Variants in GNL1 observed in about 807,000 individuals in gnomAD.
GNL1 encodes the protein G protein nucleolar 1.
A neutral mutation model predicts 75.2 loss-of-function variants in GNL1; 21 were observed. The observed-to-expected ratio is 0.28, with a 90% confidence interval of 0.20 to 0.40. The LOEUF is 0.40. Among genes scored for constraint, GNL1 ranks in the 10% least tolerant of loss-of-function variants. GNL1 has a pLI of 1.00. For missense variants in GNL1, 579 were observed against 775.0 expected, an observed-to-expected ratio of 0.75 and a Z score of 3.00; for synonymous variants, 287 against 303.4, an observed-to-expected ratio of 0.95 and a Z score of 0.56.
In GNL1 at chr6:30,547,026, A is replaced by G; in HGVS notation, c.1441+86T>C. On this transcript the variant is annotated intron_variant, in intron 10 of 11. Transcript: ENST00000376621. The surrounding 1 kb of genome is among the most constrained non-coding windows in gnomAD (Gnocchi z 5.5). ...AATGGCAGAATCTCTGAGGAGAGGA[A>G]AGGAGACAGGGAAGGGTAAAAGGCG... is the stretch of plus-strand genomic sequence containing the variant. The G allele has an allele frequency of 7.7e-7, 1 of 1,295,106 alleles. No individual in the cohort carries two copies. Among genetic ancestry groups the G allele is most frequent in the Non-Finnish European group, 1.1e-6 (1 of 894,436 alleles). The allele number at this position is 1,295,106 out of a possible 1,614,324, so 80.2% of individuals were successfully genotyped here. A position where few individuals can be genotyped will look rare whatever the true frequency, so the allele number is the denominator to read the frequency against.
Position 30,556,296 on chromosome 6 carries a change from A to C in GNL1, c.-93T>G. On this transcript the variant is annotated 5_prime_UTR_variant, in exon 1 of 12. Transcript: ENST00000376621. The surrounding 1 kb of genome is among the most constrained non-coding windows in gnomAD (Gnocchi z 5.7). ...GCAGCCCCCGCCGCAGGGGCCCGGG[A>C]CCCTAGAGGAGGCGGGGCTAGCAGG... The C allele has an allele frequency of 1.4e-6, 2 of 1,443,276 alleles. No individual in the cohort carries two copies. Among genetic ancestry groups the C allele is most frequent in the Non-Finnish European group, 1.9e-6 (2 of 1,045,834 alleles). 89.4% of individuals were successfully genotyped at this position (1,443,276 alleles called of 1,614,324 possible). A position where few individuals can be genotyped will look rare whatever the true frequency, so the allele number is the denominator to read the frequency against.
In GNL1 at chr6:30,556,262, C is replaced by T. The variant is rs1800180764; in HGVS notation, c.-59G>A. The T allele has an allele frequency of 6.3e-7, 1 of 1,576,112 alleles. No homozygotes were observed. Among genetic ancestry groups the T allele is most frequent in the Non-Finnish European group, 8.6e-7 (1 of 1,168,092 alleles). ...GAGCTCCCGCCGCCTCAACTGACTG[C>T]CCCCCGGGGCAGCCCCCGCCGCAGG... On this transcript the variant is annotated 5_prime_UTR_variant, in exon 1 of 12. Transcript: ENST00000376621. This position sits in a 1 kb window ranked among gnomAD's most constrained non-coding sequence, Gnocchi z 5.7.
chr6:30,552,555 C>T lies in GNL1; in HGVS notation c.1011G>A (p.Leu337=), dbSNP rs749555843. 6.2e-7 allele frequency: 1 copy of T among 1,614,154 alleles called. No individual in the cohort carries two copies. The highest frequency in any genetic ancestry group is 2.2e-5 in the East Asian group (1 of 44,874). Residue 337 remains leucine, a synonymous_variant, in exon 8 of 12, where the codon CTG becomes CTA. Transcript: ENST00000376621. The surrounding 1 kb of genome is among the most constrained non-coding windows in gnomAD (Gnocchi z 4.5). The part of the protein sequence containing the change: ...EEEEEDGPAV[L]VEQQTDSAME... ...TTGCTGAATCAGTCTGCTGCTCCACCAGGACTGCTGGGCCATCCTCCTCTT... is the reference window on the plus strand; with the variant it reads ...TTGCTGAATCAGTCTGCTGCTCCACTAGGACTGCTGGGCCATCCTCCTCTT...
At position 30,546,703 on chromosome 6, in the gene GNL1, T is replaced by G; in HGVS notation, c.1575A>C (p.Glu525Asp). The G allele has an allele frequency of 2.5e-6, 4 of 1,605,938 alleles. No homozygotes were observed. The highest frequency in any genetic ancestry group is 3.4e-6 in the Non-Finnish European group (4 of 1,175,524). ...GAATATCTGGGCTCTGACCTTTCTG[T>G]TCACTGTAGCCTGGGGGATGAAAAC... ...SLCFHPPGYS[E>D]QKGTWESHPE... The change falls in exon 11 of 12, where the codon GAA becomes GAC. Residue 525 changes from glutamate (E) to aspartate (D), a missense_variant. Physicochemically the swap from Glu to Asp is conservative, Grantham distance 45. Coordinates refer to ENST00000376621, the MANE Select transcript of GNL1 (RefSeq NM_005275.5). The surrounding 1 kb of genome is among the most constrained non-coding windows in gnomAD (Gnocchi z 5.1).
Position 30,548,845 on chromosome 6 carries a change from A to G in GNL1, c.1100-1315T>C, listed in dbSNP as rs1414450299. Among the ~76,000 whole-genome samples the G allele has an allele frequency of 6.6e-6, 1 of 152,138 alleles. No individual in the cohort carries two copies. The highest frequency in any genetic ancestry group is 1.5e-5 in the Non-Finnish European group (1 of 68,012). ...TGTCCGCTTTGCAGGAAAACTCCTT[A>G]AAAGACTTACCTACTTTTTTCACCA... On this transcript the variant is annotated intron_variant, in intron 8 of 11. Coordinates refer to ENST00000376621, the MANE Select transcript of GNL1 (RefSeq NM_005275.5). This position sits in a 1 kb window ranked among gnomAD's most constrained non-coding sequence, Gnocchi z 4.2.
At position 30,555,644 on chromosome 6, in the gene GNL1, G is replaced by T. The variant is rs1318455259; in HGVS notation, c.150C>A (p.Thr50=). ...SRERREEQTD[T]SDGESVTHHI... ...GATGGGTCACAGACTCCCCGTCCGA[G>T]GTGTCGGTCTGTTCCTCTCGCCGCT... The change falls in exon 2 of 12, where the codon ACC becomes ACA. Residue 50 remains threonine (T), a synonymous_variant. Coordinates refer to ENST00000376621, the MANE Select transcript of GNL1 (RefSeq NM_005275.5). This position sits in a 1 kb window ranked among gnomAD's most constrained non-coding sequence, Gnocchi z 4.3. 6.2e-7 allele frequency: 1 copy of T among 1,613,954 alleles called. No individual in the cohort carries two copies. Among genetic ancestry groups the T allele is most frequent in the Admixed American group, 1.7e-5 (1 of 60,012 alleles).
At position 30,547,720 on chromosome 6, in the gene GNL1, G is replaced by C; in HGVS notation, c.1100-190C>G. On this transcript the variant is annotated intron_variant, in intron 8 of 11. Coordinates refer to ENST00000376621, the MANE Select transcript of GNL1 (RefSeq NM_005275.5). This position sits in a 1 kb window ranked among gnomAD's most constrained non-coding sequence, Gnocchi z 5.5. ...CACTTACCAGCTTTGTGATGTCAGG[G>C]CAACTAACTTTCTGAGCCTCTGTTT... The C allele has an allele frequency of 1.7e-6, 1 of 579,300 alleles. No homozygotes were observed. Among genetic ancestry groups the C allele is most frequent in the South Asian group, 2.3e-5 (1 of 43,122 alleles). 35.9% of individuals were successfully genotyped at this position (579,300 alleles called of 1,614,324 possible). A position where few individuals can be genotyped will look rare whatever the true frequency, so the allele number is the denominator to read the frequency against.
rs1360234081 is a variant in GNL1 at position 30,552,254 on chromosome 6, A to G, written c.1099+213T>C. On this transcript the variant is annotated intron_variant, in intron 8 of 11. Coordinates refer to ENST00000376621, the MANE Select transcript of GNL1 (RefSeq NM_005275.5). The surrounding 1 kb of genome is among the most constrained non-coding windows in gnomAD (Gnocchi z 4.5). ...AGAGTAGCAAAATCACTTACTCAAG[A>G]CCTCACAGCTGAGAAGAGGTGGAAT... is the stretch of plus-strand genomic sequence containing the variant. The G allele has an allele frequency of 7.8e-6, 4 of 510,842 alleles. No individual in the cohort carries two copies. The highest frequency in any genetic ancestry group is 1.4e-5 in the Non-Finnish European group (4 of 287,610). 31.6% of individuals were successfully genotyped at this position (510,842 alleles called of 1,614,324 possible). A position where few individuals can be genotyped will look rare whatever the true frequency, so the allele number is the denominator to read the frequency against.
At chr6:30,553,618 A>T (rs1054961806) in intron 5 of GNL1, 61 bp from the exon 6 acceptor site, 4 of 1,139,798 alleles carry the variant, frequency 3.5e-6, no homozygotes, top group Non-Finnish European at 5.3e-6. Flanking sequence ...CTCTGCCTCC[A>T]GCTCCCCACT....
In GNL1 at chr6:30,545,822, G is replaced by A. The variant is rs1252821318; in HGVS notation, c.*250C>T. ...ATGGGTAGAGGAAGCAGGTTTCAGA[G>A]ACTGAGAACCTACTAAACTCCTAAG... On this transcript the variant is annotated 3_prime_UTR_variant, in exon 12 of 12. Transcript: ENST00000376621. The A allele has an allele frequency of 2.0e-6, 1 of 510,382 alleles. No individual in the cohort carries two copies. The highest frequency in any genetic ancestry group is 2.7e-5 in the South Asian group (1 of 36,940). 31.6% of individuals were successfully genotyped at this position (510,382 alleles called of 1,614,324 possible). A position where few individuals can be genotyped will look rare whatever the true frequency, so the allele number is the denominator to read the frequency against.
At position 30,552,671 on chromosome 6, in the gene GNL1, G is replaced by T. The variant is rs959558112; in HGVS notation, c.905-10C>A. The T allele has an allele frequency of 6.2e-7, 1 of 1,610,192 alleles. No individual in the cohort carries two copies. The highest frequency in any genetic ancestry group is 1.7e-5 in the Admixed American group (1 of 59,804). ...CAGCTGCTCAAGTCCACTGCTCAAA[G>T]AAGGAGAAGATTAAAGAGGTTCTCC... On this transcript the variant is annotated splice_polypyrimidine_tract_variant and intron_variant, in intron 7 of 11. Coordinates refer to ENST00000376621, the MANE Select transcript of GNL1 (RefSeq NM_005275.5). This position sits in a 1 kb window ranked among gnomAD's most constrained non-coding sequence, Gnocchi z 4.5.
rs1162976897 is a variant in GNL1 at position 30,546,309 on chromosome 6, G to C, written c.1587C>G (p.Thr529=). The C allele has an allele frequency of 6.3e-7, 1 of 1,590,726 alleles. No individual in the cohort carries two copies. Among genetic ancestry groups the C allele is most frequent in the Non-Finnish European group, 8.6e-7 (1 of 1,169,000 alleles). The change falls in exon 12 of 12, where the codon ACC becomes ACG. Residue 529 remains threonine (T), a synonymous_variant. Transcript: ENST00000376621. The surrounding 1 kb of genome is among the most constrained non-coding windows in gnomAD (Gnocchi z 5.1). ...HPPGYSEQKG[T]WESHPETTEL... is the part of the protein sequence containing the mutation. ...CCGTGGTCTCTGGATGGGACTCCCA[G>C]GTGCCTGGGGAACCAAAACAAGAAA...
chr6:30,550,626 A>G (rs1376802782), intron 8 of GNL1, among the ~76,000 whole-genome samples: 3 of 152,082 alleles, frequency 2.0e-5, no homozygotes, highest in East Asian at 1.9e-4. Flanking sequence ...AGGTAAACTT[A>G]TAAGAAACAA....
chr6:30,553,604 A>G, intron 5 of GNL1, 47 bp from the exon 6 acceptor site: 1 of 1,356,962 alleles, frequency 7.4e-7, no homozygotes, highest in South Asian at 1.2e-5. Context: ...GTCAACCCAG[A>G]GTTCTCTGCC....
At chr6:30,554,533 C>T in intron 5 of GNL1, 42 bp downstream of exon 5, 3 of 1,213,750 alleles carry the variant, frequency 2.5e-6, no homozygotes, top group African/African-American at 1.5e-5. Context: ...CCTGAAAAAC[C>T]TTTCTCCCTC....
rs1221185638 is a variant in GNL1, at chr6:30,543,578, G to A, written c.*2494C>T. Reference sequence around the variant, plus strand: ...CTTTTATAGTTTACATACTGCTATAGAGCTATTGTATTATATTATTATTAT... The same window carrying A: ...CTTTTATAGTTTACATACTGCTATAAAGCTATTGTATTATATTATTATTAT... On this transcript the variant is annotated 3_prime_UTR_variant, in exon 12 of 12. Coordinates refer to ENST00000376621, the MANE Select transcript of GNL1 (RefSeq NM_005275.5). 3 of 152,224 alleles carry A rather than the reference G, an allele frequency of 2.0e-5. No homozygotes were observed. Among genetic ancestry groups the A allele is most frequent in the Admixed American group, 6.5e-5 (1 of 15,290 alleles). The allele number at this position is 152,224 out of a possible 1,614,324, so 9.4% of individuals were successfully genotyped here.
chr6:30,556,254 A>G lies in GNL1; in HGVS notation c.-51T>C. 1 of 1,586,778 alleles carries G rather than the reference A, an allele frequency of 6.3e-7. No homozygotes were observed. The highest frequency in any genetic ancestry group is 1.1e-5 in the South Asian group (1 of 89,864). ...CCTCCGCCGAGCTCCCGCCGCCTCA[A>G]CTGACTGCCCCCCGGGGCAGCCCCC... is the stretch of plus-strand genomic sequence containing the variant. On this transcript the variant is annotated 5_prime_UTR_variant, in exon 1 of 12. Transcript: ENST00000376621. The surrounding 1 kb of genome is among the most constrained non-coding windows in gnomAD (Gnocchi z 5.7).
In GNL1 at chr6:30,554,557, CT is replaced by C; in HGVS notation, c.600+17del. The C allele has an allele frequency of 6.6e-7, 1 of 1,506,446 alleles. No homozygotes were observed. The highest frequency in any genetic ancestry group is 9.2e-7 in the Non-Finnish European group (1 of 1,082,832). 93.3% of individuals were successfully genotyped at this position (1,506,446 alleles called of 1,614,324 possible). A position where few individuals can be genotyped will look rare whatever the true frequency, so the allele number is the denominator to read the frequency against. On this transcript the variant is annotated intron_variant, in intron 5 of 11. Transcript: ENST00000376621. The stretch of plus-strand genomic sequence containing the variant: ...CCTTTCTCCCTCCTCCTTGCCCACC[CT>C]TATCCCTAGTACTCACTGGATGTCG...
rs1205597326 is a variant in GNL1 at position 30,545,738 on chromosome 6, G to A, written c.*334C>T. The A allele has an allele frequency of 3.1e-6, 1 of 324,796 alleles. No individual in the cohort carries two copies. Among genetic ancestry groups the A allele is most frequent in the Admixed American group, 5.6e-5 (1 of 17,962 alleles). 20.1% of individuals were successfully genotyped at this position (324,796 alleles called of 1,614,324 possible). Reference sequence around the variant, plus strand: ...ATGGCACAAACTCCAAAAGGGAGCTGGATTTAGACCTCCCCTCCCCATGTA... The same window carrying A: ...ATGGCACAAACTCCAAAAGGGAGCTAGATTTAGACCTCCCCTCCCCATGTA... On this transcript the variant is annotated 3_prime_UTR_variant, in exon 12 of 12. Transcript: ENST00000376621.
Sources: allele counts gnomAD v4.1 joint callset (sites outside exome capture counted in the v4.1 genomes callset), GRCh38; gene constraint gnomAD v4.1.1; non-coding constraint Gnocchi (gnomAD v3.1); transcripts MANE v1.5; gene names NCBI Gene and HGNC (gene_info 2026-07-23, HGNC 2026-07-21).